Variants in STAG1 observed in about 807,000 individuals in gnomAD.
The protein encoded by STAG1 is STAG1 cohesin complex component.
A neutral mutation model predicts 170.9 loss-of-function variants in STAG1; 26 were observed. The ratio of observed to expected loss-of-function variants is 0.15; its 90% CI spans 0.11 to 0.21. The LOEUF is 0.21. Among genes scored for constraint, STAG1 ranks in the 10% least tolerant of loss-of-function variants. The pLI is 1.00. For synonymous variants in STAG1, 514 were observed against 497.7 expected, an observed-to-expected ratio of 1.03 and a Z score of -0.44; for missense variants, 964 against 1,509.5, an observed-to-expected ratio of 0.64 and a Z score of 5.99.
At chr3:136,676,143 G>T (rs1222237076) in intron 1 of STAG1, among the ~76,000 whole-genome samples, 1 of 152,130 alleles carries the variant, frequency 6.6e-6, no homozygotes, top group Non-Finnish European at 1.5e-5. Context: ...ACTTAAAATG[G>T]CACATCTATA....
chr3:136,669,320 G>GT (rs1387071169), intron 1 of STAG1, among the ~76,000 whole-genome samples: 2 of 152,170 alleles, frequency 1.3e-5, no homozygotes, highest in South Asian at 4.1e-4. Flanking sequence ...GGTCGTTGTT[G>GT]TTTTTTGTTG....
At chr3:136,631,242 A>G (rs1341000272) in intron 1 of STAG1, among the ~76,000 whole-genome samples, 2 of 152,270 alleles carry the variant, frequency 1.3e-5, no homozygotes, top group Non-Finnish European at 2.9e-5. Context: ...CATTAAAATT[A>G]GCTTGAGAGC....
chr3:136,473,489 A>G, intron 11 of STAG1, 50 bp downstream of exon 11: 1 of 1,350,552 alleles, frequency 7.4e-7, no homozygotes, highest in Non-Finnish European at 1.0e-6. Flanking sequence ...AGCTGTAACT[A>G]GCATTTGTAA....
At chr3:136,522,087 T>C (rs558957719) in intron 6 of STAG1, among the ~76,000 whole-genome samples, 5 of 152,364 alleles carry the variant, frequency 3.3e-5, no homozygotes, top group Admixed American at 1.3e-4. Flanking sequence ...TTTCTCTGTC[T>C]AGTGTAAGAC....
intron 1 of STAG1, among the ~76,000 whole-genome samples, chr3:136,707,578 T>TTTATTTCA (rs3066792): frequency 1.3e-5 from 2 of 152,172 alleles, no homozygotes; most frequent in Admixed American, 6.5e-5. Flanking sequence ...TGAAAAGAAG[T>TTTATTTCA]TTCATGGTTC....
intron 2 of STAG1, among the ~76,000 whole-genome samples, chr3:136,624,722 A>G (rs1940020166): frequency 6.6e-6 from 1 of 152,254 alleles, no homozygotes; most frequent in Non-Finnish European, 1.5e-5. Flanking sequence ...CAATAAATTA[A>G]GCATTGATTT....
intron 9 of STAG1, among the ~76,000 whole-genome samples, chr3:136,490,358 G>A (rs545741551): frequency 3.3e-5 from 5 of 152,214 alleles, no homozygotes; most frequent in African/African-American, 4.8e-5. Flanking sequence ...TATTGAAAAT[G>A]TGGCAAGTTT....
intron 6 of STAG1, among the ~76,000 whole-genome samples, chr3:136,538,278 A>G (rs971314392): frequency 1.3e-5 from 2 of 152,228 alleles, no homozygotes; most frequent in African/African-American, 4.8e-5. Context: ...CAATAAACAA[A>G]CAAGGGTATA....
intron 1 of STAG1, among the ~76,000 whole-genome samples, chr3:136,700,435 T>C (rs1943021388): frequency 6.6e-6 from 1 of 151,786 alleles, no homozygotes; most frequent in South Asian, 2.1e-4. Flanking sequence ...TTTTTTTTAT[T>C]TGAGACAGAA....
intron 16 of STAG1, among the ~76,000 whole-genome samples, chr3:136,428,508 A>T (rs2088199984): frequency 6.6e-6 from 1 of 152,198 alleles, no homozygotes; most frequent in African/African-American, 2.4e-5. Flanking sequence ...AGTATCTCTA[A>T]ATCAGCCTAC....
chr3:136,607,132 C>T (rs1348374345), intron 3 of STAG1, among the ~76,000 whole-genome samples: 1 of 152,108 alleles, frequency 6.6e-6, no homozygotes, highest in Non-Finnish European at 1.5e-5. Flanking sequence ...ACCTAAATCA[C>T]TTGGCTGACA....
chr3:136,506,799 C>T (rs1234660451), intron 7 of STAG1, among the ~76,000 whole-genome samples: 1 of 152,014 alleles, frequency 6.6e-6, no homozygotes, highest in Non-Finnish European at 1.5e-5. Flanking sequence ...GCCTAGTAGA[C>T]ACACATTTGG....
chr3:136,461,263 A>C (rs767090683), intron 13 of STAG1, among the ~76,000 whole-genome samples: 6 of 152,214 alleles, frequency 3.9e-5, no homozygotes, highest in Admixed American at 6.5e-5. Context: ...TTCCCATAAG[A>C]ACTCAAGACC....
chr3:136,627,610 T>A lies in STAG1; in HGVS notation c.29+3260A>T, dbSNP rs887457755. On this transcript the variant is annotated intron_variant, in intron 2 of 33. Transcript: ENST00000383202. ...GGGCTGAAATGACTGTTCTTGTACA[T>A]AAATAAATCTTACTACATAATCAAG... is the stretch of plus-strand genomic sequence containing the variant. Among the ~76,000 whole-genome samples the A allele has an allele frequency of 3.9e-5, 6 of 152,184 alleles. 1 individual carries two copies.
chr3:136,720,162 G>C (rs980875036), intron 1 of STAG1, among the ~76,000 whole-genome samples: 1 of 143,700 alleles, frequency 7.0e-6, no homozygotes, highest in African/African-American at 2.6e-5. Flanking sequence ...GGCAACAAGA[G>C]CGAAATTCCG....
At chr3:136,367,674 A>C (rs1937128713) in intron 24 of STAG1, among the ~76,000 whole-genome samples, 2 of 152,174 alleles carry the variant, frequency 1.3e-5, no homozygotes, top group East Asian at 3.8e-4. Context: ...TTTTAGAAAA[A>C]TATTTAGGGA....
intron 23 of STAG1, among the ~76,000 whole-genome samples, chr3:136,372,662 C>G (rs1318929037): frequency 1.3e-5 from 2 of 151,906 alleles, no homozygotes; most frequent in Non-Finnish European, 2.9e-5. Context: ...ATTGATTTTC[C>G]TATGTTGAAC....
intron 1 of STAG1, among the ~76,000 whole-genome samples, chr3:136,712,298 G>C (rs559435801): frequency 6.0e-4 from 91 of 152,184 alleles, no homozygotes; most frequent in South Asian, 5.0e-3. Flanking sequence ...TTACAGGTGT[G>C]AGCCACCGCA....
At chr3:136,367,319 T>C (rs994642738) in intron 24 of STAG1, among the ~76,000 whole-genome samples, 1 of 152,098 alleles carries the variant, frequency 6.6e-6, no homozygotes, top group African/African-American at 2.4e-5. Flanking sequence ...ATTATCATAG[T>C]AAAGACTGAA....
Sources: allele counts gnomAD v4.1 joint callset (sites outside exome capture counted in the v4.1 genomes callset), GRCh38; gene constraint gnomAD v4.1.1; transcripts MANE v1.5; gene names NCBI Gene and HGNC (gene_info 2026-07-23, HGNC 2026-07-21).